The following DLGAP3 variants were observed in gnomAD, a reference collection of about 807,000 sequenced individuals.
DLGAP3 encodes the protein disks large-associated protein 3.
Under a neutral mutation model 81.2 loss-of-function variants are expected in DLGAP3, and 17 were observed. That is an observed-to-expected ratio of 0.21 (90% CI 0.14 to 0.31). The LOEUF (loss-of-function observed/expected upper bound fraction) is 0.31. Among genes scored for constraint, DLGAP3 ranks in the 10% least tolerant of loss-of-function variants. DLGAP3 has a pLI of 1.00. For synonymous variants in DLGAP3, 577 were observed against 587.4 expected, an observed-to-expected ratio of 0.98 and a Z score of 0.26; for missense variants, 1,124 against 1,388.0, an observed-to-expected ratio of 0.81 and a Z score of 3.02.
intron 2 of DLGAP3, among the ~76,000 whole-genome samples, 198 bp from the exon 3 acceptor site, chr1:34,905,632 C>G (rs1639539490): frequency 6.6e-6 from 1 of 152,166 alleles, no homozygotes; most frequent in Non-Finnish European, 1.5e-5. Context: ...ACAAAATAAT[C>G]CCATCATTCA....
intron 5 of DLGAP3, among the ~76,000 whole-genome samples, chr1:34,891,707 T>TAG (rs1639313685): frequency 6.6e-6 from 1 of 152,210 alleles, no homozygotes; most frequent in African/African-American, 2.4e-5. Flanking sequence ...ACACAAAGTC[T>TAG]AACTAGCTTG....
chr1:34,865,989 A>C lies in DLGAP3; in HGVS notation c.*94T>G. 1 of 1,124,488 alleles carries C rather than the reference A, an allele frequency of 8.9e-7. No individual in the cohort carries two copies. The allele number at this position is 1,124,488 out of a possible 1,614,324, so 69.7% of individuals were successfully genotyped here. A position where few individuals can be genotyped will look rare whatever the true frequency, so the allele number is the denominator to read the frequency against. ...CGTCCGGTGCCGGTGGGGCGGGCGC[A>C]CGGGGCGGCCCGCGTTCACAGTGAC... On this transcript the variant is annotated 3_prime_UTR_variant, in exon 12 of 12. Coordinates refer to ENST00000373347, the MANE Select transcript of DLGAP3 (RefSeq NM_001080418.3).
At chr1:34,920,181 GTC>G (rs1639776050) in intron 1 of DLGAP3, among the ~76,000 whole-genome samples, 1 of 152,112 alleles carries the variant, frequency 6.6e-6, no homozygotes, top group Non-Finnish European at 1.5e-5. Context: ...GTGTCTCTAA[GTC>G]TCTGTCTGTG....
intron 1 of DLGAP3, among the ~76,000 whole-genome samples, chr1:34,917,836 T>C (rs1431815094): frequency 3.3e-5 from 5 of 152,176 alleles, no homozygotes; most frequent in Non-Finnish European, 7.3e-5. Flanking sequence ...CCAGATCCAG[T>C]ACTAGGCCCA....
At chr1:34,928,308 T>G (rs985412098) in intron 1 of DLGAP3, among the ~76,000 whole-genome samples, 42 of 152,096 alleles carry the variant, frequency 2.8e-4, no homozygotes, top group African/African-American at 9.2e-4. Flanking sequence ...CCTCCTCATC[T>G]CCTAGCTCTA....
At chr1:34,869,329 C>CAG (rs1192441570) in intron 8 of DLGAP3, among the ~76,000 whole-genome samples, 1 of 152,142 alleles carries the variant, frequency 6.6e-6, no homozygotes, top group Non-Finnish European at 1.5e-5. Flanking sequence ...AGTCCATGGA[C>CAG]AGAGCAGATG....
Position 34,867,015 on chromosome 1 carries a change from T to C in DLGAP3, c.2721+33A>G. On this transcript the variant is annotated intron_variant, in intron 11 of 11. Transcript: ENST00000373347. This position sits in a 1 kb window ranked among gnomAD's most constrained non-coding sequence, Gnocchi z 4.3. ...CTGGGGAGGGGAATTTCCCAGAGTCTGGCCTCTTTGCCTGAAGGCACCCCA... is the reference window on the plus strand; with the variant it reads ...CTGGGGAGGGGAATTTCCCAGAGTCCGGCCTCTTTGCCTGAAGGCACCCCA... 6.2e-7 allele frequency: 1 copy of C among 1,613,800 alleles called. No individual in the cohort carries two copies. The highest frequency in any genetic ancestry group is 8.5e-7 in the Non-Finnish European group (1 of 1,179,750).
chr1:34,919,732 A>T (rs1044842937), intron 1 of DLGAP3, among the ~76,000 whole-genome samples: 2 of 152,206 alleles, frequency 1.3e-5, no homozygotes, highest in African/African-American at 4.8e-5. Flanking sequence ...GTAAGCTGAG[A>T]TCATGCCACT....
At position 34,867,272 on chromosome 1, in the gene DLGAP3, C is replaced by T; in HGVS notation, c.2578-81G>A. 1 of 1,587,926 alleles carries T rather than the reference C, an allele frequency of 6.3e-7. No individual in the cohort carries two copies. The highest frequency in any genetic ancestry group is 8.6e-7 in the Non-Finnish European group (1 of 1,158,400). On this transcript the variant is annotated intron_variant, in intron 10 of 11. Coordinates refer to ENST00000373347, the MANE Select transcript of DLGAP3 (RefSeq NM_001080418.3). The surrounding 1 kb of genome is among the most constrained non-coding windows in gnomAD (Gnocchi z 4.3). ...CCAGGACAAGAGAAAGTCCTATCCA[C>T]CCTTACTGCCAGGAAGCTCAGCCTG...
intron 1 of DLGAP3, among the ~76,000 whole-genome samples, chr1:34,909,060 C>A (rs1639601329): frequency 6.6e-6 from 1 of 152,238 alleles, no homozygotes; most frequent in Non-Finnish European, 1.5e-5. Context: ...AGACTCACAG[C>A]ACAAAAGGCC....
intron 5 of DLGAP3, among the ~76,000 whole-genome samples, chr1:34,887,408 A>T (rs1341219940): frequency 1.1e-5 from 1 of 94,858 alleles, no homozygotes; most frequent in African/African-American, 2.8e-5. Flanking sequence ...CCATGGTGTT[A>T]AAAAAAAAAA....
At chr1:34,890,039 T>C (rs1353364411) in intron 5 of DLGAP3, among the ~76,000 whole-genome samples, 1 of 152,086 alleles carries the variant, frequency 6.6e-6, no homozygotes, top group Non-Finnish European at 1.5e-5. Flanking sequence ...AAATGTAGAC[T>C]AGAATAAAAA....
chr1:34,871,293 C>T (rs969857250), intron 8 of DLGAP3, among the ~76,000 whole-genome samples: 1 of 152,206 alleles, frequency 6.6e-6, no homozygotes, highest in Non-Finnish European at 1.5e-5. Context: ...CGACTATAAG[C>T]GATCCTGACT....
At chr1:34,876,622 CA>C (rs1249722811) in intron 8 of DLGAP3, among the ~76,000 whole-genome samples, 1 of 152,180 alleles carries the variant, frequency 6.6e-6, no homozygotes. Context: ...AGGACGCCTG[CA>C]GCAGACAGGC....
intron 3 of DLGAP3, among the ~76,000 whole-genome samples, chr1:34,901,541 G>A (rs1032288192): frequency 6.6e-6 from 1 of 152,232 alleles, no homozygotes; most frequent in Non-Finnish European, 1.5e-5. Flanking sequence ...CAGTTTCCTT[G>A]TCTGCGAGTT....
chr1:34,899,783 TAGG>T, intron 4 of DLGAP3, 42 bp from the exon 5 acceptor site: 1 of 1,584,456 alleles, frequency 6.3e-7, no homozygotes, highest in Non-Finnish European at 8.7e-7. Context: ...AGTGGACTGC[TAGG>T]AGGTGGGGGA....
At chr1:34,907,702 T>G (rs1639577816) in intron 1 of DLGAP3, among the ~76,000 whole-genome samples, 1 of 152,176 alleles carries the variant, frequency 6.6e-6, no homozygotes, top group Non-Finnish European at 1.5e-5. Flanking sequence ...GCCACTGCGT[T>G]GTTTTTTCTT....
chr1:34,879,076 A>C (rs1276548652), intron 8 of DLGAP3, among the ~76,000 whole-genome samples: 14 of 152,016 alleles, frequency 9.2e-5, no homozygotes, highest in African/African-American at 3.4e-4. Flanking sequence ...CCTCAAAAAA[A>C]AAAAAGAAAA....
chr1:34,901,700 C>G (rs542281220), intron 3 of DLGAP3, among the ~76,000 whole-genome samples: 1 of 152,154 alleles, frequency 6.6e-6, no homozygotes. Context: ...CTCAAGAGAT[C>G]ATCTGTGGCC....
Sources: allele counts gnomAD v4.1 joint callset (sites outside exome capture counted in the v4.1 genomes callset), GRCh38; gene constraint gnomAD v4.1.1; non-coding constraint Gnocchi (gnomAD v3.1); transcripts MANE v1.5; gene names NCBI Gene and HGNC (gene_info 2026-07-23, HGNC 2026-07-21).